Variants in MMP16 observed in about 807,000 individuals in gnomAD.
MMP16 encodes the protein matrix metallopeptidase 16.
Under a neutral mutation model 67.8 loss-of-function variants are expected in MMP16, and 12 were observed. The observed-to-expected ratio is 0.18, with a 90% CI of 0.11 to 0.29. The LOEUF is 0.29. Ranked by LOEUF, MMP16 falls within the 10% of genes least tolerant of loss-of-function variation. MMP16 has a pLI of 1.00. For missense variants in MMP16, 475 were observed against 765.7 expected, an observed-to-expected ratio of 0.62 and a Z score of 4.48; for synonymous variants, 249 against 255.9, an observed-to-expected ratio of 0.97 and a Z score of 0.26.
At chr8:88,202,551 G>C (rs760725777) in intron 1 of MMP16, among the ~76,000 whole-genome samples, 1 of 152,038 alleles carries the variant, frequency 6.6e-6, no homozygotes, top group Non-Finnish European at 1.5e-5. Flanking sequence ...AGAAGACTAT[G>C]ATATGCCATC....
chr8:88,168,439 T>C (rs1421464390), intron 3 of MMP16, among the ~76,000 whole-genome samples: 1 of 152,216 alleles, frequency 6.6e-6, no homozygotes, highest in African/African-American at 2.4e-5. Flanking sequence ...GATATATAGT[T>C]ATTTCTTAAT....
chr8:88,069,231 T>G, intron 7 of MMP16: 2 of 303,454 alleles, frequency 6.6e-6, no homozygotes, highest in Non-Finnish European at 6.4e-6. Context: ...CCTCTTTACT[T>G]TCATTTAGTA....
At chr8:88,257,338 A>G (rs1810319664) in intron 1 of MMP16, among the ~76,000 whole-genome samples, 1 of 152,236 alleles carries the variant, frequency 6.6e-6, no homozygotes, top group Admixed American at 6.5e-5. Context: ...AGAGTAGAGT[A>G]GAGAAAGGAG....
intron 6 of MMP16, among the ~76,000 whole-genome samples, chr8:88,115,213 T>G (rs757161227): frequency 1.3e-4 from 20 of 152,044 alleles, no homozygotes; most frequent in Non-Finnish European, 2.4e-4. Context: ...ATCAGGTGTC[T>G]TTTAGAATAA....
At chr8:88,216,426 A>G (rs188359922) in intron 1 of MMP16, among the ~76,000 whole-genome samples, 6 of 152,326 alleles carry the variant, frequency 3.9e-5, no homozygotes, top group African/African-American at 1.4e-4. Context: ...AAATATAACT[A>G]TCAATGTCAG....
intron 4 of MMP16, among the ~76,000 whole-genome samples, chr8:88,154,838 G>T (rs994322065): frequency 1.4e-5 from 2 of 144,216 alleles, no homozygotes; most frequent in African/African-American, 5.2e-5. Flanking sequence ...TGCACAATGT[G>T]CACATGTACC....
At chr8:88,099,089 T>G (rs1480583574) in intron 6 of MMP16, among the ~76,000 whole-genome samples, 1 of 151,798 alleles carries the variant, frequency 6.6e-6, no homozygotes, top group East Asian at 1.9e-4. Context: ...AACATATAGA[T>G]TCAAATTTTA....
At chr8:88,121,854 A>T (rs1045636705) in intron 4 of MMP16, among the ~76,000 whole-genome samples, 2 of 152,042 alleles carry the variant, frequency 1.3e-5, no homozygotes, top group Admixed American at 1.3e-4. Context: ...ATTTTATTCC[A>T]AGTTCCTTCA....
At chr8:88,258,096 A>C (rs932155103) in intron 1 of MMP16, among the ~76,000 whole-genome samples, 2 of 149,398 alleles carry the variant, frequency 1.3e-5, no homozygotes, top group African/African-American at 5.0e-5. Flanking sequence ...CCCAGGCTGG[A>C]GTGCAGTGGC....
At chr8:88,223,753 A>C (rs1809724286) in intron 1 of MMP16, among the ~76,000 whole-genome samples, 1 of 151,062 alleles carries the variant, frequency 6.6e-6, no homozygotes, top group Admixed American at 6.6e-5. Context: ...TGACGAGTTA[A>C]TGGGTGCAGC....
intron 4 of MMP16, among the ~76,000 whole-genome samples, chr8:88,119,540 T>C (rs914511422): frequency 2.0e-5 from 3 of 152,092 alleles, no homozygotes; most frequent in Non-Finnish European, 4.4e-5. Flanking sequence ...TAAGAGCTGC[T>C]GTTTATCACT....
At chr8:88,295,681 G>A (rs1811001175) in intron 1 of MMP16, among the ~76,000 whole-genome samples, 1 of 152,004 alleles carries the variant, frequency 6.6e-6, no homozygotes, top group Admixed American at 6.6e-5. Flanking sequence ...TAATAAACAT[G>A]GTGGTTTCTG....
chr8:88,048,913 A>T (rs1808232988), intron 8 of MMP16, among the ~76,000 whole-genome samples: 1 of 152,158 alleles, frequency 6.6e-6, no homozygotes, highest in African/African-American at 2.4e-5. Flanking sequence ...TACCTAACAG[A>T]GCTCTGGGGT....
At chr8:88,218,388 T>C (rs781638794) in intron 1 of MMP16, among the ~76,000 whole-genome samples, 1 of 152,022 alleles carries the variant, frequency 6.6e-6, no homozygotes, top group Non-Finnish European at 1.5e-5. Flanking sequence ...AATTGTATGA[T>C]GAATAAGTTC....
At chr8:88,286,704 T>C (rs1415555222) in intron 1 of MMP16, among the ~76,000 whole-genome samples, 1 of 151,928 alleles carries the variant, frequency 6.6e-6, no homozygotes, top group Non-Finnish European at 1.5e-5. Flanking sequence ...GCCTCCCAAG[T>C]AGCTGCTACT....
chr8:88,149,615 C>T (rs1189671685), intron 4 of MMP16, among the ~76,000 whole-genome samples: 104 of 151,736 alleles, frequency 6.9e-4, no homozygotes, highest in Middle Eastern at 3.4e-3. Flanking sequence ...ACACCTCACA[C>T]GGCAGGGTAT....
At chr8:88,134,867 T>G (rs1808092268) in intron 4 of MMP16, among the ~76,000 whole-genome samples, 1 of 151,728 alleles carries the variant, frequency 6.6e-6, no homozygotes, top group Non-Finnish European at 1.5e-5. Flanking sequence ...TTTTATGTAT[T>G]GTTCTAAAAT....
intron 2 of MMP16, among the ~76,000 whole-genome samples, chr8:88,191,433 T>C (rs956229557): frequency 1.3e-5 from 2 of 152,204 alleles, no homozygotes; most frequent in South Asian, 4.1e-4. Flanking sequence ...ATAACTATTA[T>C]TATTTTACAA....
At chr8:88,082,559 T>C (rs1718138634) in intron 6 of MMP16, among the ~76,000 whole-genome samples, 2 of 152,138 alleles carry the variant, frequency 1.3e-5, no homozygotes, top group South Asian at 4.1e-4. Flanking sequence ...GTATTCTATC[T>C]TCTGTGTAAA....
Sources: allele counts gnomAD v4.1 joint callset (sites outside exome capture counted in the v4.1 genomes callset), GRCh38; gene constraint gnomAD v4.1.1; transcripts MANE v1.5; gene names NCBI Gene and HGNC (gene_info 2026-07-23, HGNC 2026-07-21).